Variants in TYW1B observed in about 807,000 individuals in gnomAD.
TYW1B encodes tRNA-yW synthesizing protein 1 homolog B.
Under a neutral mutation model 86.9 loss-of-function variants are expected in TYW1B, and 73 were observed. The ratio of observed to expected loss-of-function variants is 0.84; its 90% CI spans 0.70 to 1.02. The LOEUF (loss-of-function observed/expected upper bound fraction) is 1.02, where lower values mean the gene tolerates loss of function less well. Ranked by LOEUF, TYW1B falls within the 50% of genes least tolerant of loss-of-function variation. TYW1B has a pLI of 0.00. For synonymous variants in TYW1B, 248 were observed against 292.8 expected (o/e 0.85, Z 1.56); for missense variants, 637 against 827.4 (o/e 0.77, Z 2.82).
chr7:72,710,480 A>G (rs2129570651), intron 10 of TYW1B, among the ~76,000 whole-genome samples: 1 of 152,348 alleles, frequency 6.6e-6, no homozygotes, highest in East Asian at 1.9e-4. Context: ...ACTGATTTTC[A>G]TATTATTGCC....
intron 11 of TYW1B, among the ~76,000 whole-genome samples, chr7:72,669,625 G>C (rs1813547462): frequency 6.6e-6 from 1 of 151,956 alleles, no homozygotes; most frequent in South Asian, 2.1e-4. Context: ...AGCCAGGCAT[G>C]GTGGCATGGT....
chr7:72,756,595 T>C (rs1332564325), intron 7 of TYW1B, among the ~76,000 whole-genome samples: 2 of 152,052 alleles, frequency 1.3e-5, no homozygotes, highest in African/African-American at 2.4e-5. Context: ...GTATGGGGAA[T>C]CTTGCTAGGG....
chr7:72,649,313 T>C lies in TYW1B; in HGVS notation c.1507-20316A>G, dbSNP rs576658022. On this transcript the variant is annotated intron_variant, in intron 11 of 13. Transcript: ENST00000620995. ...ATAAAATCCTAAGGGCTACTCTATA[T>C]ACTTTCCATCTGAGAGAAGAGCTTT... Among the ~76,000 whole-genome samples the C allele has an allele frequency of 2.6e-4, 39 of 152,332 alleles. 1 individual carries two copies. Among genetic ancestry groups the C allele is most frequent in the Non-Finnish European group, 4.3e-4 (29 of 68,022 alleles).
chr7:72,791,384 C>T (rs1384906087), intron 6 of TYW1B, among the ~76,000 whole-genome samples: 3 of 145,484 alleles, frequency 2.1e-5, no homozygotes, highest in South Asian at 2.2e-4. Flanking sequence ...CAATGCAGCG[C>T]GACAGCATTA....
chr7:72,756,608 G>A (rs1377879408), intron 7 of TYW1B, among the ~76,000 whole-genome samples: 3 of 152,110 alleles, frequency 2.0e-5, no homozygotes, highest in African/African-American at 7.2e-5. Flanking sequence ...TGCTAGGGCA[G>A]AACAGGCTGA....
chr7:72,736,820 T>C (rs778190521), intron 8 of TYW1B, among the ~76,000 whole-genome samples: 27 of 152,338 alleles, frequency 1.8e-4, no homozygotes, highest in Admixed American at 5.9e-4. Flanking sequence ...TTTCTTTTTA[T>C]TGACAGATGA....
chr7:72,783,398 A>AG (rs1291874727), intron 6 of TYW1B, among the ~76,000 whole-genome samples: 1 of 151,570 alleles, frequency 6.6e-6, no homozygotes, highest in African/African-American at 2.4e-5. Flanking sequence ...AAAAAAAAAA[A>AG]AAGAAACTTT....
intron 1 of TYW1B, 135 bp from the exon 2 acceptor site, chr7:72,827,120 A>G: frequency 2.4e-6 from 3 of 1,247,856 alleles, no homozygotes; most frequent in Non-Finnish European, 3.2e-6. Context: ...TTAAAAATCA[A>G]CTGTTGGCCG....
At chr7:72,800,947 T>C (rs1394709088) in intron 6 of TYW1B, among the ~76,000 whole-genome samples, 1 of 152,160 alleles carries the variant, frequency 6.6e-6, no homozygotes, top group Non-Finnish European at 1.5e-5. Context: ...ACAAGGAATG[T>C]CTTTCCATTT....
intron 11 of TYW1B, among the ~76,000 whole-genome samples, chr7:72,694,095 G>T (rs1554450933): frequency 6.6e-6 from 1 of 152,078 alleles, no homozygotes; most frequent in Non-Finnish European, 1.5e-5. Flanking sequence ...CAAACAGCTG[G>T]GATAACAGGT....
intron 11 of TYW1B, among the ~76,000 whole-genome samples, chr7:72,674,757 CTCT>C (rs1562332349): frequency 4.1e-5 from 4 of 97,706 alleles, no homozygotes; most frequent in Non-Finnish European, 4.5e-5. Flanking sequence ...TTCCTTTTCT[CTCT>C]TTTTTTTTTT....
At chr7:72,588,184 A>G (rs1811318541) in intron 13 of TYW1B, among the ~76,000 whole-genome samples, 1 of 152,256 alleles carries the variant, frequency 6.6e-6, no homozygotes. Flanking sequence ...TTTCACAGAC[A>G]AAACTATAAC....
chr7:72,603,273 C>G (rs1245813668), intron 13 of TYW1B, among the ~76,000 whole-genome samples: 2 of 147,736 alleles, frequency 1.4e-5, no homozygotes, highest in African/African-American at 2.5e-5. Flanking sequence ...GATGGACAGA[C>G]AGACGACAGA....
At chr7:72,678,505 C>T (rs1195521899) in intron 11 of TYW1B, among the ~76,000 whole-genome samples, 3 of 151,760 alleles carry the variant, frequency 2.0e-5, no homozygotes, top group Admixed American at 2.0e-4. Context: ...CCAAACACAA[C>T]AAAATGCTCA....
chr7:72,665,867 T>A (rs1159396614), intron 11 of TYW1B, among the ~76,000 whole-genome samples: 1 of 152,214 alleles, frequency 6.6e-6, no homozygotes, highest in Non-Finnish European at 1.5e-5. Context: ...CAGATCTTTT[T>A]AACATTTGTT....
chr7:72,750,842 C>T (rs1315905468), intron 7 of TYW1B, among the ~76,000 whole-genome samples: 8 of 152,054 alleles, frequency 5.3e-5, no homozygotes, highest in Admixed American at 2.0e-4. Flanking sequence ...TCCAAAAATC[C>T]GACATCCAAA....
At chr7:72,713,257 C>A (rs1390044121) in intron 10 of TYW1B, among the ~76,000 whole-genome samples, 1 of 133,522 alleles carries the variant, frequency 7.5e-6, no homozygotes, top group East Asian at 2.2e-4. Context: ...GCCATGATCA[C>A]GCCACTGCAC....
chr7:72,689,131 T>A (rs781814678), intron 11 of TYW1B, among the ~76,000 whole-genome samples: 1 of 152,098 alleles, frequency 6.6e-6, no homozygotes, highest in Non-Finnish European at 1.5e-5. Flanking sequence ...ATTAGCCAGA[T>A]GGGTTAAGGC....
intron 12 of TYW1B, among the ~76,000 whole-genome samples, chr7:72,618,227 A>ATTTTTTTTTTT (rs869158136): frequency 7.7e-5 from 8 of 103,940 alleles, no homozygotes; most frequent in East Asian, 3.3e-4. Context: ...ATGACACTGA[A>ATTTTTTTTTTT]TTTTTTTTTT....
Sources: allele counts gnomAD v4.1 joint callset (sites outside exome capture counted in the v4.1 genomes callset), GRCh38; gene constraint gnomAD v4.1.1; transcripts MANE v1.5; gene names NCBI Gene and HGNC (gene_info 2026-07-23, HGNC 2026-07-21).